The following PDGFD variants were observed in gnomAD, a reference collection of about 807,000 sequenced individuals.
PDGFD encodes platelet derived growth factor D.
A neutral mutation model predicts 44.7 loss-of-function variants in PDGFD; 30 were observed. The ratio of observed to expected loss-of-function variants is 0.67; its 90% CI spans 0.50 to 0.91. The LOEUF (loss-of-function observed/expected upper bound fraction) is 0.91. Among genes scored for constraint, PDGFD ranks in the 40% least tolerant of loss-of-function variants. The pLI, the probability that PDGFD is intolerant of heterozygous loss-of-function variation, is 0.00. For missense variants in PDGFD, 445 were observed against 457.8 expected (o/e 0.97, Z 0.25); for synonymous variants, 173 against 168.4 (o/e 1.03, Z -0.21).
intron 5 of PDGFD, among the ~76,000 whole-genome samples, chr11:103,934,524 G>A (rs896471074): frequency 6.6e-6 from 1 of 152,216 alleles, no homozygotes; most frequent in Non-Finnish European, 1.5e-5. Context: ...AAACACCCAA[G>A]ACTGGGTAGT....
At chr11:103,930,125 C>T (rs1288480627) in intron 5 of PDGFD, among the ~76,000 whole-genome samples, 1 of 152,118 alleles carries the variant, frequency 6.6e-6, no homozygotes, top group Non-Finnish European at 1.5e-5. Flanking sequence ...AGCTCTTTGA[C>T]ATCAATTAAG....
At chr11:104,004,796 T>G (rs1206913055) in intron 1 of PDGFD, among the ~76,000 whole-genome samples, 2 of 151,980 alleles carry the variant, frequency 1.3e-5, no homozygotes, top group African/African-American at 4.8e-5. Flanking sequence ...CTAATCACTT[T>G]ATACAGATGA....
chr11:103,984,525 A>T (rs150435392), intron 3 of PDGFD, among the ~76,000 whole-genome samples: 2 of 151,646 alleles, frequency 1.3e-5, no homozygotes, highest in African/African-American at 4.9e-5. Context: ...AATTTTGCCT[A>T]TGTAACAAAC....
At chr11:103,987,848 A>AT (rs142048900) in intron 3 of PDGFD, among the ~76,000 whole-genome samples, 29,741 of 152,014 alleles carry the variant, frequency 0.2, 2,946 homozygotes, top group Middle Eastern at 0.31. Flanking sequence ...CCTCCCTGAC[A>AT]CAGCCCAGCA....
At position 104,158,650 on chromosome 11, in the gene PDGFD, G is replaced by A. The variant is rs571966684; in HGVS notation, c.124+5154C>T. ...GATCAAGACCATCCTGGCTAACACG[G>A]TGAAACCCCGTCTCTACTAAAAACA... On this transcript the variant is annotated intron_variant, in intron 1 of 6. Coordinates refer to ENST00000393158, the MANE Select transcript of PDGFD (RefSeq NM_025208.5). Among the ~76,000 whole-genome samples, 206 of 151,998 alleles carry A rather than the reference G, an allele frequency of 1.4e-3. 1 individual carries two copies. The highest frequency in any genetic ancestry group is 3.4e-3 in the Middle Eastern group (1 of 294).
intron 1 of PDGFD, among the ~76,000 whole-genome samples, chr11:104,021,790 C>T (rs1331880690): frequency 3.3e-5 from 5 of 152,132 alleles, no homozygotes; most frequent in Non-Finnish European, 7.4e-5. Flanking sequence ...AACCAATTCA[C>T]ATTAGAACAG....
In PDGFD at chr11:104,050,548, G is replaced by A. The variant is rs116940238; in HGVS notation, c.125-50293C>T. Among the ~76,000 whole-genome samples the A allele has an allele frequency of 7.0e-4, 107 of 152,228 alleles. 2 individuals carry two copies. The East Asian group carries it at 0.019, about 27-fold the overall frequency. On this transcript the variant is annotated intron_variant, in intron 1 of 6. Coordinates refer to ENST00000393158, the MANE Select transcript of PDGFD (RefSeq NM_025208.5). ...CTAATACCAGTTTTGCCACTTCCTGGACATACACCCTTGGGCAAGGCACCA... is the reference window on the plus strand; with the variant it reads ...CTAATACCAGTTTTGCCACTTCCTGAACATACACCCTTGGGCAAGGCACCA...
chr11:103,990,333 C>T (rs1176971424), intron 3 of PDGFD, among the ~76,000 whole-genome samples: 1 of 152,226 alleles, frequency 6.6e-6, no homozygotes, highest in East Asian at 1.9e-4. Flanking sequence ...TGCGTCATTG[C>T]TTCCTAATAT....
At chr11:104,110,953 T>C (rs1471784713) in intron 1 of PDGFD, among the ~76,000 whole-genome samples, 2 of 152,192 alleles carry the variant, frequency 1.3e-5, no homozygotes, top group Non-Finnish European at 1.5e-5. Flanking sequence ...CCAAAAATGT[T>C]TTTTTGTCCT....
chr11:103,954,023 T>C (rs887017356), intron 3 of PDGFD, among the ~76,000 whole-genome samples: 3 of 152,244 alleles, frequency 2.0e-5, no homozygotes, highest in African/African-American at 7.2e-5. Context: ...GCTATATGGC[T>C]GAAAGCAAAT....
intron 1 of PDGFD, among the ~76,000 whole-genome samples, chr11:104,100,752 A>G (rs551624099): frequency 1.3e-5 from 2 of 152,310 alleles, no homozygotes; most frequent in South Asian, 2.1e-4. Context: ...CTTATCCACC[A>G]TGATCAAGTG....
chr11:103,995,763 G>C (rs1859525319), intron 3 of PDGFD, among the ~76,000 whole-genome samples: 1 of 152,196 alleles, frequency 6.6e-6, no homozygotes, highest in Non-Finnish European at 1.5e-5. Flanking sequence ...TTGGCTGTAT[G>C]TTTACCTTGC....
At position 103,943,560 on chromosome 11, in the gene PDGFD, C is replaced by A. The variant is rs1329527406; in HGVS notation, c.664G>T (p.Asp222Tyr). The change falls in exon 5 of 7, where the codon GAT (aspartate) becomes TAT (tyrosine). Residue 222 changes from aspartate (D) to tyrosine (Y), a missense_variant. Physicochemically the swap from Asp to Tyr is radical, Grantham distance 160. Coordinates refer to ENST00000393158, the MANE Select transcript of PDGFD (RefSeq NM_025208.5). ...TCTGGATTGAAGTACTTGAGCAGATCTTCCACTGTATCAAATTCTGCAATT... is the reference window on the plus strand; with the variant it reads ...TCTGGATTGAAGTACTTGAGCAGATATTCCACTGTATCAAATTCTGCAATT... ...KKIAEFDTVE[D>Y]LLKYFNPESW... 6.2e-7 allele frequency: 1 copy of A among 1,613,344 alleles called. No homozygotes were observed. Among genetic ancestry groups the A allele is most frequent in the Non-Finnish European group, 8.5e-7 (1 of 1,179,604 alleles).
At chr11:104,088,943 G>GA (rs546035334) in intron 1 of PDGFD, among the ~76,000 whole-genome samples, 249 of 152,056 alleles carry the variant, frequency 1.6e-3, no homozygotes, top group Middle Eastern at 3.4e-3. Context: ...AAAACTACGG[G>GA]AAAAAATCCA....
chr11:104,082,180 T>C (rs567460907), intron 1 of PDGFD, among the ~76,000 whole-genome samples: 25 of 115,268 alleles, frequency 2.2e-4, no homozygotes, highest in Non-Finnish European at 3.6e-4. Flanking sequence ...GTGATAACTT[T>C]GACATCACCC....
At chr11:103,949,274 A>T (rs1484132107) in intron 3 of PDGFD, among the ~76,000 whole-genome samples, 2 of 152,142 alleles carry the variant, frequency 1.3e-5, no homozygotes, top group African/African-American at 2.4e-5. Context: ...AAGTGCTGGG[A>T]TTACAGGCAT....
intron 1 of PDGFD, among the ~76,000 whole-genome samples, chr11:104,033,444 T>C (rs372798400): frequency 4.6e-5 from 7 of 151,946 alleles, no homozygotes; most frequent in African/African-American, 1.7e-4. Flanking sequence ...AAAGGTAAAA[T>C]GCTGAAAAAC....
chr11:103,926,389 T>C (rs907764934), intron 6 of PDGFD, among the ~76,000 whole-genome samples: 1 of 152,206 alleles, frequency 6.6e-6, no homozygotes, highest in African/African-American at 2.4e-5. Flanking sequence ...GCTGATTCCC[T>C]GAGTAGCACT....
intron 1 of PDGFD, among the ~76,000 whole-genome samples, chr11:104,098,486 A>G: frequency 6.8e-6 from 1 of 147,814 alleles, no homozygotes; most frequent in Admixed American, 7.0e-5. Context: ...TAGAGAGGGG[A>G]AATATTTTCC....
Sources: gnomAD v4.1 joint callset for allele counts (sites outside exome capture counted in the v4.1 genomes callset) on GRCh38, gnomAD v4.1.1 for gene constraint, MANE v1.5 for transcripts, NCBI Gene and HGNC (gene_info 2026-07-23, HGNC 2026-07-21) for gene names.